STK39: variants seen among roughly 807,000 people sequenced by gnomAD.
STK39 encodes the protein serine/threonine kinase 39, also known as STE20/SPS1-related proline-alanine-rich protein kinase.
STK39 carries 20 observed loss-of-function variants against 77.8 expected under a neutral mutation model. The ratio of observed to expected loss-of-function variants is 0.26; its 90% CI spans 0.18 to 0.37. The LOEUF (loss-of-function observed/expected upper bound fraction) is 0.37. Ranked by LOEUF, STK39 falls within the 10% of genes least tolerant of loss-of-function variation. The pLI, the probability that STK39 is intolerant of heterozygous loss-of-function variation, is 1.00. For synonymous variants in STK39, 246 were observed against 234.1 expected, an observed-to-expected ratio of 1.05 and a Z score of -0.47; for missense variants, 479 against 656.5, an observed-to-expected ratio of 0.73 and a Z score of 2.95.
At chr2:168,236,607 C>T (rs190982406) in intron 1 of STK39, among the ~76,000 whole-genome samples, 1 of 152,250 alleles carries the variant, frequency 6.6e-6, no homozygotes, top group Admixed American at 6.5e-5. Context: ...AGTCTTTAAT[C>T]CATCTTGAAT....
At chr2:168,023,598 C>T (rs1021160115) in intron 14 of STK39, among the ~76,000 whole-genome samples, 1 of 152,174 alleles carries the variant, frequency 6.6e-6, no homozygotes, top group Non-Finnish European at 1.5e-5. Flanking sequence ...GAACTATTTG[C>T]ATCCTTCAGC....
intron 10 of STK39, among the ~76,000 whole-genome samples, chr2:168,114,018 T>C (rs1687194134): frequency 6.6e-6 from 1 of 152,212 alleles, no homozygotes; most frequent in African/African-American, 2.4e-5. Flanking sequence ...ATACACTCAA[T>C]AGGCTAACTT....
At chr2:168,049,171 A>C (rs916497095) in intron 14 of STK39, among the ~76,000 whole-genome samples, 2 of 152,238 alleles carry the variant, frequency 1.3e-5, no homozygotes, top group Non-Finnish European at 2.9e-5. Context: ...AAGTGAACTG[A>C]AGAAGATGAA....
intron 16 of STK39, among the ~76,000 whole-genome samples, chr2:167,969,438 G>T (rs536484687): frequency 1.3e-5 from 2 of 152,052 alleles, no homozygotes; most frequent in African/African-American, 4.8e-5. Flanking sequence ...TCGGCCAACC[G>T]CTCCAGCTTA....
intron 5 of STK39, among the ~76,000 whole-genome samples, chr2:168,157,359 C>A (rs1163009376): frequency 1.3e-5 from 2 of 152,166 alleles, no homozygotes; most frequent in Non-Finnish European, 2.9e-5. Flanking sequence ...CGCTCAGTAC[C>A]AGTTTTTATT....
chr2:167,995,881 C>T (rs915095271), intron 16 of STK39, among the ~76,000 whole-genome samples: 2 of 152,186 alleles, frequency 1.3e-5, no homozygotes, highest in East Asian at 3.9e-4. Flanking sequence ...GCCCTTTTGT[C>T]TGTTGCTGGT....
chr2:168,227,633 TTCTC>T (rs1428530408), intron 1 of STK39, among the ~76,000 whole-genome samples: 1 of 152,216 alleles, frequency 6.6e-6, no homozygotes, highest in African/African-American at 2.4e-5. Context: ...GACTCTTAAC[TTCTC>T]TCTGTGCCAG....
At chr2:168,104,347 G>A (rs1559098866) in intron 10 of STK39, among the ~76,000 whole-genome samples, 1 of 151,928 alleles carries the variant, frequency 6.6e-6, no homozygotes. Context: ...CAAAACACTG[G>A]CCTAGTCATC....
intron 1 of STK39, among the ~76,000 whole-genome samples, chr2:168,197,186 A>C (rs59681820): frequency 0.075 from 11,346 of 152,176 alleles, 1,010 homozygotes; most frequent in East Asian, 0.24. Flanking sequence ...AGAAGAAGAA[A>C]AGTAAAGTGG....
chr2:168,175,789 C>G (rs895757341), intron 2 of STK39, among the ~76,000 whole-genome samples: 14 of 152,048 alleles, frequency 9.2e-5, no homozygotes, highest in African/African-American at 3.1e-4. Context: ...AGTTACAAAG[C>G]TAAGTTGCAA....
At chr2:168,220,266 GAGAACTTC>G (rs1357190333) in intron 1 of STK39, among the ~76,000 whole-genome samples, 1 of 152,016 alleles carries the variant, frequency 6.6e-6, no homozygotes, top group Non-Finnish European at 1.5e-5. Context: ...CAACAAAGCT[GAGAACTTC>G]TCTGCTGAGA....
At chr2:168,039,259 T>C (rs1346360452) in intron 14 of STK39, among the ~76,000 whole-genome samples, 1 of 152,000 alleles carries the variant, frequency 6.6e-6, no homozygotes, top group Non-Finnish European at 1.5e-5. Flanking sequence ...AATGAATACA[T>C]ATAAAAGTCT....
intron 14 of STK39, among the ~76,000 whole-genome samples, chr2:168,023,677 T>C (rs1684627720): frequency 6.6e-6 from 1 of 152,124 alleles, no homozygotes; most frequent in East Asian, 1.9e-4. Flanking sequence ...GACCCAGATG[T>C]GATTAAAGCG....
intron 16 of STK39, among the ~76,000 whole-genome samples, chr2:168,008,493 G>A (rs1277063531): frequency 6.6e-6 from 1 of 152,222 alleles, no homozygotes; most frequent in Non-Finnish European, 1.5e-5. Context: ...TTTTGAAGCT[G>A]TGGATTAAAT....
chr2:168,150,397 G>C (rs375057791), intron 5 of STK39, among the ~76,000 whole-genome samples: 236 of 152,264 alleles, frequency 1.5e-3, no homozygotes, highest in African/African-American at 4.8e-3. Context: ...ATGTGCAGTA[G>C]AATAAATTCA....
intron 2 of STK39, among the ~76,000 whole-genome samples, chr2:168,176,564 G>T (rs1050074729): frequency 8.5e-5 from 13 of 152,250 alleles, no homozygotes; most frequent in African/African-American, 3.1e-4. Context: ...CAAGAGAAAG[G>T]AAAAACAACA....
intron 1 of STK39, among the ~76,000 whole-genome samples, chr2:168,183,035 A>C (rs1689122888): frequency 1.3e-5 from 2 of 152,202 alleles, no homozygotes; most frequent in Non-Finnish European, 2.9e-5. Context: ...CATAAAAGGG[A>C]AAGCAGGGGA....
chr2:168,217,068 A>C (rs1690043105), intron 1 of STK39, among the ~76,000 whole-genome samples: 1 of 152,226 alleles, frequency 6.6e-6, no homozygotes, highest in African/African-American at 2.4e-5. Flanking sequence ...TCCACAAGCC[A>C]TTATCCTATG....
intron 16 of STK39, 35 bp from the exon 17 acceptor site, chr2:167,964,761 A>G: frequency 1.3e-6 from 2 of 1,549,546 alleles, no homozygotes; most frequent in Non-Finnish European, 1.8e-6. Context: ...AAGTTTCCAG[A>G]TTATTTCCAA....
Sources: allele counts gnomAD v4.1 joint callset (sites outside exome capture counted in the v4.1 genomes callset), GRCh38; gene constraint gnomAD v4.1.1; transcripts MANE v1.5; gene names NCBI Gene and HGNC (gene_info 2026-07-23, HGNC 2026-07-21).